The following BCL7C variants were observed in gnomAD, a reference collection of about 807,000 sequenced individuals.
BCL7C encodes B-cell CLL/lymphoma 7 protein family member C.
A neutral mutation model predicts 26.2 loss-of-function variants in BCL7C; 8 were observed. That is an observed-to-expected ratio of 0.30 (90% CI 0.18 to 0.55). The LOEUF is 0.55. Ranked by LOEUF, BCL7C falls within the 20% of genes least tolerant of loss-of-function variation. The pLI is 0.93. For synonymous variants in BCL7C, 90 were observed against 116.5 expected (o/e 0.77, Z 1.47); for missense variants, 262 against 298.5 (o/e 0.88, Z 0.90).
intron 5 of BCL7C, among the ~76,000 whole-genome samples, chr16:30,853,098 G>A (rs1295153829): frequency 6.6e-6 from 1 of 151,072 alleles, no homozygotes; most frequent in African/African-American, 2.4e-5. Flanking sequence ...ACCACGCCCA[G>A]CTAATTTTGT....
intron 5 of BCL7C, among the ~76,000 whole-genome samples, chr16:30,850,062 C>A (rs1002290289): frequency 2.6e-5 from 4 of 151,678 alleles, no homozygotes; most frequent in African/African-American, 9.7e-5. Flanking sequence ...ACAAAAAAAT[C>A]AGCTGGGCAT....
intron 5 of BCL7C, among the ~76,000 whole-genome samples, chr16:30,862,771 C>A (rs1195707579): frequency 2.6e-5 from 4 of 152,172 alleles, no homozygotes; most frequent in Admixed American, 1.3e-4. Context: ...TAGGTACTTT[C>A]ACCTTTGGAT....
At chr16:30,889,524 G>T (rs1284102277) in intron 4 of BCL7C, among the ~76,000 whole-genome samples, 1 of 151,982 alleles carries the variant, frequency 6.6e-6, no homozygotes, top group Non-Finnish European at 1.5e-5. Context: ...GAGTCTCGCT[G>T]TGTCCCCCAG....
chr16:30,858,271 G>T (rs556713289), intron 5 of BCL7C, among the ~76,000 whole-genome samples: 1 of 152,102 alleles, frequency 6.6e-6, no homozygotes, highest in Non-Finnish European at 1.5e-5. Context: ...AGTCATTAGC[G>T]GACCCAGAGC....
At chr16:30,837,183 C>T (rs2054575119) in intron 5 of BCL7C, among the ~76,000 whole-genome samples, 1 of 151,998 alleles carries the variant, frequency 6.6e-6, no homozygotes, top group East Asian at 1.9e-4. Context: ...TCCTTAATGC[C>T]CAGTTGTTGG....
chr16:30,889,327 G>T (rs2055187185), intron 4 of BCL7C, among the ~76,000 whole-genome samples: 1 of 152,064 alleles, frequency 6.6e-6, no homozygotes, highest in African/African-American at 2.4e-5. Context: ...CTGTTGTGAG[G>T]GTCAGATGAG....
chr16:30,885,355 G>A (rs2055116110), downstream of BCL7C, among the ~76,000 whole-genome samples: 2 of 152,148 alleles, frequency 1.3e-5, no homozygotes, highest in South Asian at 4.2e-4. Context: ...CTTTAACCCA[G>A]TGAGACTAAC....
intron 5 of BCL7C, among the ~76,000 whole-genome samples, chr16:30,839,493 C>T (rs918877817): frequency 3.9e-5 from 6 of 152,130 alleles, no homozygotes; most frequent in Non-Finnish European, 8.8e-5. Flanking sequence ...ATTAGGATAC[C>T]GAGATTATCA....
At chr16:30,835,858 A>T (rs1009357059) in intron 5 of BCL7C, among the ~76,000 whole-genome samples, 1 of 151,856 alleles carries the variant, frequency 6.6e-6, no homozygotes, top group Non-Finnish European at 1.5e-5. Flanking sequence ...GAAAAAAAAG[A>T]AAAAATTTTT....
chr16:30,837,276 A>C (rs2054575909), intron 5 of BCL7C, among the ~76,000 whole-genome samples: 1 of 152,170 alleles, frequency 6.6e-6, no homozygotes, highest in Non-Finnish European at 1.5e-5. Flanking sequence ...AAAAATCAGG[A>C]TGGGTCTATA....
chr16:30,873,627 T>A (rs1171713364), intron 5 of BCL7C, among the ~76,000 whole-genome samples: 1 of 151,796 alleles, frequency 6.6e-6, no homozygotes, highest in African/African-American at 2.4e-5. Context: ...GGCAGGCAGA[T>A]CACTTTTGAG....
At chr16:30,837,072 G>A (rs1295301068) in intron 5 of BCL7C, among the ~76,000 whole-genome samples, 1 of 151,996 alleles carries the variant, frequency 6.6e-6, no homozygotes, top group Non-Finnish European at 1.5e-5. Flanking sequence ...GGGATTACAG[G>A]CATGAGCCAC....
Position 30,840,772 on chromosome 16 carries a change from A to G in BCL7C, c.529-5624T>C, listed in dbSNP as rs539799490. ...GGGAAGCAAACATGTCCTTGTTCAC[A>G]TGGTGGGAATAATAAGAAGTGCTGA... On this transcript the variant is annotated intron_variant, in intron 5 of 5. Transcript: ENST00000380317. 6.6e-5 allele frequency: 10 copies of G among 152,276 alleles called. No individual in the cohort carries two copies. The East Asian group carries it at 1.7e-3, about 26-fold the overall frequency. 9.4% of individuals were successfully genotyped at this position (152,276 alleles called of 1,614,324 possible).
chr16:30,883,212 G>C (rs2055069409), downstream of BCL7C, among the ~76,000 whole-genome samples: 1 of 152,154 alleles, frequency 6.6e-6, no homozygotes. Flanking sequence ...GTGAGCCCCA[G>C]AGGTGGGGCC....
At chr16:30,854,961 G>C (rs1244170729) in intron 5 of BCL7C, among the ~76,000 whole-genome samples, 4 of 152,084 alleles carry the variant, frequency 2.6e-5, no homozygotes, top group Non-Finnish European at 4.4e-5. Flanking sequence ...GCCTTCCAAA[G>C]TGCTGGGATT....
intron 5 of BCL7C, among the ~76,000 whole-genome samples, chr16:30,878,842 CAAA>C (rs1402617371): frequency 8.1e-5 from 8 of 98,786 alleles, no homozygotes; most frequent in Admixed American, 9.9e-5. Flanking sequence ...GACTCCGTCT[CAAA>C]AAAAAAAAAA....
chr16:30,854,941 G>A (rs1198433641), intron 5 of BCL7C, among the ~76,000 whole-genome samples: 3 of 151,912 alleles, frequency 2.0e-5, no homozygotes, highest in African/African-American at 7.3e-5. Context: ...CAAGTGATCC[G>A]CCTGCCTTGG....
chr16:30,858,539 C>G (rs2054743693), intron 5 of BCL7C, among the ~76,000 whole-genome samples: 1 of 152,142 alleles, frequency 6.6e-6, no homozygotes, highest in Non-Finnish European at 1.5e-5. Context: ...AATCTTAATT[C>G]CAGGCCTCCT....
intron 5 of BCL7C, among the ~76,000 whole-genome samples, chr16:30,837,101 T>A (rs1035338794): frequency 2.6e-5 from 4 of 151,582 alleles, no homozygotes; most frequent in African/African-American, 9.7e-5. Flanking sequence ...GCCGACTCCA[T>A]CTCTTTAAAA....
Sources: gnomAD v4.1 joint callset for allele counts (sites outside exome capture counted in the v4.1 genomes callset) on GRCh38, gnomAD v4.1.1 for gene constraint, MANE v1.5 for transcripts, NCBI Gene and HGNC (gene_info 2026-07-23, HGNC 2026-07-21) for gene names.